The following UBXN2A variants were observed in gnomAD, a reference collection of about 807,000 sequenced individuals.
UBXN2A encodes the protein UBX domain protein 2A, also known as UBX domain-containing protein 2A.
UBXN2A carries 28 observed loss-of-function variants against 28.4 expected under a neutral mutation model. The ratio of observed to expected loss-of-function variants is 0.99; its 90% confidence interval spans 0.73 to 1.35. The LOEUF (loss-of-function observed/expected upper bound fraction) is 1.35. Among genes scored for constraint, UBXN2A ranks in the 40% most tolerant of loss-of-function variants. The pLI, the probability that UBXN2A is intolerant of heterozygous loss-of-function variation, is 0.00. For synonymous variants in UBXN2A, 97 were observed against 103.6 expected (o/e 0.94, Z 0.39); for missense variants, 253 against 297.9 (o/e 0.85, Z 1.11).
intron 2 of UBXN2A, 77 bp downstream of exon 2, chr2:23,958,432 C>A: frequency 7.2e-7 from 1 of 1,396,900 alleles, no homozygotes; most frequent in South Asian, 1.4e-5. Context: ...ATTTCACTTG[C>A]AGAGATAGTA....
chr2:23,964,506 G>A (rs989024035), intron 2 of UBXN2A, among the ~76,000 whole-genome samples: 7 of 152,170 alleles, frequency 4.6e-5, no homozygotes, highest in Non-Finnish European at 8.8e-5. Context: ...CACCACGCTC[G>A]GCTATTCAGT....
At position 23,971,291 on chromosome 2, in the gene UBXN2A, A is replaced by T. The variant is rs765944694; in HGVS notation, c.57A>T (p.Gly19=). ...SIKEEWVCET[G]SDNQPLGNNQ... is the part of the protein sequence containing the mutation. Reference sequence around the variant, plus strand: ...TCTTGTTTAGGGTTTGTGAAACAGGATCTGATAATCAACCTCTTGGTAATA... The same window carrying T: ...TCTTGTTTAGGGTTTGTGAAACAGGTTCTGATAATCAACCTCTTGGTAATA... The change falls in exon 3 of 7, where the codon GGA becomes GGT. Residue 19 remains glycine, a synonymous_variant. Coordinates refer to ENST00000309033, the MANE Select transcript of UBXN2A (RefSeq NM_181713.4). 2.6e-6 allele frequency: 4 copies of T among 1,565,754 alleles called. No individual in the cohort carries two copies. The Admixed American group carries it at 6.8e-5, about 27-fold the overall frequency.
At chr2:23,934,553 G>A (rs1472687278) in intron 1 of UBXN2A, among the ~76,000 whole-genome samples, 1 of 152,204 alleles carries the variant, frequency 6.6e-6, no homozygotes, top group East Asian at 1.9e-4. Context: ...AGATTGCTGA[G>A]TGCCACCCAT....
intron 6 of UBXN2A, among the ~76,000 whole-genome samples, chr2:23,987,037 G>A (rs543900827): frequency 6.6e-6 from 1 of 152,020 alleles, no homozygotes; most frequent in African/African-American, 2.4e-5. Context: ...AGGCTGTGAT[G>A]AGCCATGATC....
chr2:23,968,667 C>T (rs1212721515), intron 2 of UBXN2A, among the ~76,000 whole-genome samples: 12 of 145,506 alleles, frequency 8.2e-5, no homozygotes, highest in Admixed American at 7.6e-4. Flanking sequence ...AGTGAGACTC[C>T]GTCTCAGGAA....
intron 2 of UBXN2A, among the ~76,000 whole-genome samples, chr2:23,960,632 G>T (rs200709877): frequency 6.6e-6 from 1 of 152,096 alleles, no homozygotes; most frequent in East Asian, 1.9e-4. Context: ...TGACAACCAT[G>T]AAACTGCTTT....
Position 24,004,772 on chromosome 2 carries a change from AT to A in UBXN2A, c.*4910del, listed in dbSNP as rs1187034994. 4 of 152,172 alleles carry A rather than the reference AT, an allele frequency of 2.6e-5. No individual in the cohort carries two copies. The highest frequency in any genetic ancestry group is 2.6e-4 in the Admixed American group (4 of 15,282). 9.4% of individuals were successfully genotyped at this position (152,172 alleles called of 1,614,324 possible). On this transcript the variant is annotated 3_prime_UTR_variant, in exon 7 of 7. Transcript: ENST00000309033. Reference sequence around the variant, plus strand: ...TATTTTATATACTTCTCTCGGTATAATTTTTCATGACATTTCAGCATGTTGA... The same window carrying A: ...TATTTTATATACTTCTCTCGGTATAATTTTCATGACATTTCAGCATGTTGA...
At chr2:23,949,066 A>G (rs977771975) in intron 1 of UBXN2A, among the ~76,000 whole-genome samples, 5 of 149,368 alleles carry the variant, frequency 3.3e-5, no homozygotes, top group African/African-American at 1.2e-4. Flanking sequence ...TCAGCCTCCC[A>G]AGTAGCTGGG....
At chr2:23,970,440 T>C (rs1707366737) in intron 2 of UBXN2A, among the ~76,000 whole-genome samples, 1 of 152,046 alleles carries the variant, frequency 6.6e-6, no homozygotes, top group Non-Finnish European at 1.5e-5. Flanking sequence ...GGGGCAGGGA[T>C]GTGCATCCTA....
Position 24,003,487 on chromosome 2 carries a change from A to G in UBXN2A, c.*3620A>G, listed in dbSNP as rs190241197. On this transcript the variant is annotated 3_prime_UTR_variant, in exon 7 of 7. Transcript: ENST00000309033. ...ATGTAACTAGATGACCTGACATAAA[A>G]TCTATCTTCTGATTGCAGTCTATTG... The G allele has an allele frequency of 1.1e-4, 17 of 152,232 alleles. No homozygotes were observed. In the East Asian group the frequency reaches 3.1e-3, roughly 28 times the overall value. 9.4% of individuals were successfully genotyped at this position (152,232 alleles called of 1,614,324 possible). A position where few individuals can be genotyped will look rare whatever the true frequency, so the allele number is the denominator to read the frequency against.
intron 6 of UBXN2A, among the ~76,000 whole-genome samples, chr2:23,998,357 G>A (rs1167609838): frequency 1.3e-5 from 2 of 152,118 alleles, no homozygotes; most frequent in African/African-American, 4.8e-5. Flanking sequence ...AGGAGAGACA[G>A]AAAATAAATA....
chr2:23,948,258 T>C (rs1057095819), intron 1 of UBXN2A, among the ~76,000 whole-genome samples: 1 of 149,378 alleles, frequency 6.7e-6, no homozygotes, highest in African/African-American at 2.4e-5. Context: ...CTTTTTCTTT[T>C]TTTTTTTTTT....
chr2:23,929,080 G>C (rs1183976041), intron 1 of UBXN2A, among the ~76,000 whole-genome samples: 1 of 152,086 alleles, frequency 6.6e-6, no homozygotes, highest in Non-Finnish European at 1.5e-5. Context: ...TTGAGACCAG[G>C]AGTTGGAAAC....
At chr2:23,948,847 CTG>C (rs1362343049) in intron 1 of UBXN2A, among the ~76,000 whole-genome samples, 2 of 151,770 alleles carry the variant, frequency 1.3e-5, no homozygotes, top group African/African-American at 4.8e-5. Flanking sequence ...TACCTTATAA[CTG>C]TAAAATGATG....
rs1573594094 is a variant in UBXN2A at position 23,982,904 on chromosome 2, CT to C, written c.298del (p.Ser100GlnfsTer41). On this transcript the variant is annotated frameshift_variant, in exon 5 of 7. Transcript: ENST00000309033. LOFTEE classifies it high-confidence loss of function. Reference protein sequence around the residue: ...FLNSIKKGELPSELQGIFDKE... With the variant: ...FLNSIKKGELXSELQGIFDKE... ...TTTCTTTGTTTTCCAAGGGAATTAC[CT>C]TCAGAATTACAGGGAATTTTTGATA... 20 of 1,599,632 alleles carry C rather than the reference CT, an allele frequency of 1.3e-5. No homozygotes were observed. Among genetic ancestry groups the C allele is most frequent in the Non-Finnish European group, 1.6e-5 (19 of 1,173,848 alleles).
upstream of UBXN2A, among the ~76,000 whole-genome samples, chr2:23,937,145 C>G (rs1301067546): frequency 6.6e-6 from 1 of 152,194 alleles, no homozygotes; most frequent in Non-Finnish European, 1.5e-5. Context: ...CAGGTGTAAG[C>G]CACCACACCC....
intron 1 of UBXN2A, among the ~76,000 whole-genome samples, chr2:23,933,687 A>C (rs2150784397): frequency 6.6e-6 from 1 of 152,126 alleles, no homozygotes; most frequent in Non-Finnish European, 1.5e-5. Flanking sequence ...ACTCCACTGC[A>C]CTCCAGCCTG....
chr2:23,976,771 G>C (rs1460164268), intron 3 of UBXN2A, among the ~76,000 whole-genome samples, 198 bp from the exon 4 acceptor site: 4 of 152,096 alleles, frequency 2.6e-5, no homozygotes, highest in Non-Finnish European at 1.5e-5. Flanking sequence ...TGTGGAAACT[G>C]GGTCTCGCTA....
At chr2:23,962,194 G>A (rs894821291) in intron 2 of UBXN2A, among the ~76,000 whole-genome samples, 3 of 152,140 alleles carry the variant, frequency 2.0e-5, no homozygotes, top group Non-Finnish European at 4.4e-5. Context: ...TATAAATGGT[G>A]AAGTTCTATG....
Sources: gnomAD v4.1 joint callset for allele counts (sites outside exome capture counted in the v4.1 genomes callset) on GRCh38, gnomAD v4.1.1 for gene constraint, MANE v1.5 for transcripts, NCBI Gene and HGNC (gene_info 2026-07-23, HGNC 2026-07-21) for gene names.